Variants in CNTNAP2 observed in about 807,000 individuals in gnomAD.
CNTNAP2 encodes contactin associated protein 2.
A neutral mutation model predicts 155.2 loss-of-function variants in CNTNAP2; 98 were observed. The observed-to-expected ratio is 0.63, with a 90% CI of 0.54 to 0.75. The LOEUF is 0.75. CNTNAP2 is among the 30% of genes least tolerant of loss of function. The pLI is 0.00. For synonymous variants in CNTNAP2, 651 were observed against 631.2 expected, an observed-to-expected ratio of 1.03 and a Z score of -0.47; for missense variants, 1,727 against 1,688.1, an observed-to-expected ratio of 1.02 and a Z score of -0.40.
At chr7:146,391,059 C>T (rs377296006) in intron 1 of CNTNAP2, among the ~76,000 whole-genome samples, 18 of 147,572 alleles carry the variant, frequency 1.2e-4, no homozygotes, top group East Asian at 9.7e-4. Flanking sequence ...TAGTGAGACT[C>T]TGTCTAAAAA....
chr7:146,218,526 CAA>C (rs1190721767), intron 1 of CNTNAP2, among the ~76,000 whole-genome samples: 25 of 79,632 alleles, frequency 3.1e-4, no homozygotes, highest in East Asian at 2.1e-3. Flanking sequence ...AAAACAAAAA[CAA>C]AAACAAACAA....
intron 13 of CNTNAP2, among the ~76,000 whole-genome samples, chr7:147,785,543 A>C (rs1797726181): frequency 6.6e-6 from 1 of 152,194 alleles, no homozygotes; most frequent in African/African-American, 2.4e-5. Context: ...AAATAAGCGA[A>C]CCAGCTAGAA....
chr7:148,026,715 A>G (rs1057343907), intron 15 of CNTNAP2, among the ~76,000 whole-genome samples: 1 of 152,156 alleles, frequency 6.6e-6, no homozygotes, highest in Non-Finnish European at 1.5e-5. Flanking sequence ...TGAAAACTCT[A>G]CAAGACTCAA....
chr7:148,341,312 A>C (rs1798227531), intron 21 of CNTNAP2, among the ~76,000 whole-genome samples: 1 of 150,880 alleles, frequency 6.6e-6, no homozygotes, highest in East Asian at 1.9e-4. Flanking sequence ...TAGCTGAGCT[A>C]TACTACCTAG....
intron 1 of CNTNAP2, among the ~76,000 whole-genome samples, chr7:146,465,176 T>G (rs917156806): frequency 1.3e-5 from 2 of 152,136 alleles, no homozygotes; most frequent in African/African-American, 2.4e-5. Flanking sequence ...GTTTGTGTTT[T>G]CTAGTGCAAG....
chr7:147,292,264 C>A (rs1276497624), intron 8 of CNTNAP2, among the ~76,000 whole-genome samples: 4 of 152,062 alleles, frequency 2.6e-5, no homozygotes. Context: ...TCCAGTTGTT[C>A]TGGCATCATT....
intron 1 of CNTNAP2, among the ~76,000 whole-genome samples, chr7:146,711,708 TATATAGTATACACATCTTATGTATAC>T (rs1399440123): frequency 6.9e-5 from 10 of 145,748 alleles, no homozygotes; most frequent in Non-Finnish European, 1.5e-4. Flanking sequence ...TATGTATACA[TATATAGTATACACATCTTATGTATAC>T]ATATATAGTA....
chr7:146,516,011 A>T (rs556987703), intron 1 of CNTNAP2, among the ~76,000 whole-genome samples: 45 of 152,196 alleles, frequency 3.0e-4, no homozygotes, highest in African/African-American at 1.1e-3. Flanking sequence ...ACCTTCTACG[A>T]TAGCTGAAGT....
At chr7:147,645,730 G>A (rs1254125122) in intron 13 of CNTNAP2, among the ~76,000 whole-genome samples, 1 of 152,182 alleles carries the variant, frequency 6.6e-6, no homozygotes, top group Non-Finnish European at 1.5e-5. Flanking sequence ...GTATCAGGAA[G>A]TGTGACATAT....
intron 1 of CNTNAP2, among the ~76,000 whole-genome samples, chr7:146,437,444 T>C (rs1724490): frequency 0.037 from 5,636 of 151,594 alleles, 599 homozygotes; most frequent in African/African-American, 0.13. Flanking sequence ...TTTCATATTA[T>C]CTAGTGAAAT....
intron 1 of CNTNAP2, among the ~76,000 whole-genome samples, chr7:146,445,016 C>T (rs909906579): frequency 1.3e-5 from 2 of 151,632 alleles, no homozygotes; most frequent in Non-Finnish European, 2.9e-5. Flanking sequence ...GGTTCCACAC[C>T]AGGGACATTC....
intron 1 of CNTNAP2, among the ~76,000 whole-genome samples, chr7:146,455,104 C>T (rs976294263): frequency 2.6e-5 from 4 of 152,112 alleles, no homozygotes; most frequent in African/African-American, 7.2e-5. Context: ...ATCCTTTTAT[C>T]CTTTAATTTC....
intron 1 of CNTNAP2, among the ~76,000 whole-genome samples, chr7:146,501,010 A>G (rs188837494): frequency 7.9e-5 from 12 of 152,164 alleles, no homozygotes; most frequent in Middle Eastern, 3.4e-3. Flanking sequence ...TATTGATATA[A>G]TATACTATAT....
chr7:146,848,794 A>C (rs912161828), intron 3 of CNTNAP2, among the ~76,000 whole-genome samples: 9 of 152,168 alleles, frequency 5.9e-5, no homozygotes, highest in Non-Finnish European at 1.2e-4. Context: ...TTATTTAGAG[A>C]CAGAATCTCG....
intron 3 of CNTNAP2, among the ~76,000 whole-genome samples, chr7:146,976,894 AATGGGGGCCT>A (rs1797922074): frequency 6.6e-6 from 1 of 152,168 alleles, no homozygotes; most frequent in South Asian, 2.1e-4. Flanking sequence ...GGACTCCTGG[AATGGGGGCCT>A]ATGAACAACA....
At chr7:148,198,224 T>A (rs1795307627) in intron 18 of CNTNAP2, among the ~76,000 whole-genome samples, 1 of 152,200 alleles carries the variant, frequency 6.6e-6, no homozygotes, top group Non-Finnish European at 1.5e-5. Flanking sequence ...CCCCTGTTCT[T>A]TCTCTTTTGA....
At chr7:147,273,194 A>G (rs549219299) in intron 8 of CNTNAP2, among the ~76,000 whole-genome samples, 1 of 152,016 alleles carries the variant, frequency 6.6e-6, no homozygotes, top group Non-Finnish European at 1.5e-5. Flanking sequence ...CCTTATCACC[A>G]CTTCGCGCCG....
chr7:148,074,051 G>A (rs965315227), intron 15 of CNTNAP2, among the ~76,000 whole-genome samples: 2 of 152,148 alleles, frequency 1.3e-5, no homozygotes, highest in African/African-American at 4.8e-5. Context: ...ATTCACTGGG[G>A]CTCTGGGAAT....
intron 1 of CNTNAP2, among the ~76,000 whole-genome samples, chr7:146,195,863 A>C (rs1371543052): frequency 6.6e-6 from 1 of 152,198 alleles, no homozygotes; most frequent in Non-Finnish European, 1.5e-5. Context: ...ATTTATCATT[A>C]TATTTGAACT....
Sources: allele counts gnomAD v4.1 joint callset (sites outside exome capture counted in the v4.1 genomes callset), GRCh38; gene constraint gnomAD v4.1.1; transcripts MANE v1.5; gene names NCBI Gene and HGNC (gene_info 2026-07-23, HGNC 2026-07-21).